The following HMGA2 variants were observed in gnomAD, a reference collection of about 807,000 sequenced individuals.
HMGA2 encodes high mobility group protein HMGI-C.
Under a neutral mutation model 19.1 loss-of-function variants are expected in HMGA2, and 8 were observed. The observed-to-expected ratio is 0.42, with a 90% CI of 0.25 to 0.76. The LOEUF is 0.76. Ranked by LOEUF, HMGA2 falls within the 30% of genes least tolerant of loss-of-function variation. The pLI, the probability that HMGA2 is intolerant of heterozygous loss-of-function variation, is 0.28. For missense variants in HMGA2, 109 were observed against 136.3 expected (o/e 0.80, Z 1.00); for synonymous variants, 60 against 48.8 (o/e 1.23, Z -0.96).
chr12:65,857,831 C>G (rs984962005), intron 3 of HMGA2: 1 of 152,370 alleles, frequency 6.6e-6, no homozygotes, highest in Non-Finnish European at 1.5e-5. Context: ...AGGCTAGTCC[C>G]CATTTCCTAT....
intron 2 of HMGA2, among the ~76,000 whole-genome samples, chr12:65,837,523 G>C (rs937318569): frequency 5.3e-5 from 8 of 152,140 alleles, no homozygotes; most frequent in Admixed American, 2.6e-4. Context: ...CTGTATTTGT[G>C]TGTTAATATA....
chr12:65,923,822 C>G (rs150322441), intron 3 of HMGA2, among the ~76,000 whole-genome samples: 1 of 152,064 alleles, frequency 6.6e-6, no homozygotes, highest in Non-Finnish European at 1.5e-5. Context: ...CCAGCCTGAC[C>G]GACATGGAGA....
intron 3 of HMGA2, among the ~76,000 whole-genome samples, chr12:65,927,219 G>A (rs556153855): frequency 2.4e-4 from 36 of 152,266 alleles, no homozygotes; most frequent in Non-Finnish European, 5.0e-4. Flanking sequence ...CCCATTAATT[G>A]CTACACTTAT....
intron 3 of HMGA2, 132 bp downstream of exon 3, chr12:65,838,701 G>A (rs889420021): frequency 1.4e-6 from 1 of 697,024 alleles, no homozygotes; most frequent in African/African-American, 1.8e-5. Context: ...AAAGGGTTAA[G>A]TCAAGAGACA....
intron 3 of HMGA2, among the ~76,000 whole-genome samples, chr12:65,885,761 C>T (rs1038665494): frequency 2.0e-5 from 3 of 152,084 alleles, no homozygotes; most frequent in African/African-American, 7.2e-5. Context: ...ATAATAACAA[C>T]AATGATAAGA....
chr12:65,938,133 A>G (rs905286145), intron 3 of HMGA2, among the ~76,000 whole-genome samples: 7 of 152,172 alleles, frequency 4.6e-5, no homozygotes, highest in African/African-American at 1.4e-4. Context: ...AAGTGCCACT[A>G]TGAATGGACA....
intron 3 of HMGA2, among the ~76,000 whole-genome samples, chr12:65,950,967 C>G (rs1326829590): frequency 6.6e-6 from 1 of 152,060 alleles, no homozygotes; most frequent in East Asian, 1.9e-4. Flanking sequence ...GTTGCTCTGT[C>G]ACCCAGGCTG....
chr12:65,952,379 G>A (rs1207906171), intron 4 of HMGA2: 2 of 1,534,804 alleles, frequency 1.3e-6, no homozygotes, highest in Non-Finnish European at 1.7e-6. Flanking sequence ...TGCCTGGGAA[G>A]GACCACCCGG....
intron 2 of HMGA2, 29 bp downstream of exon 2, chr12:65,828,116 A>T (rs1190364146): frequency 6.6e-7 from 1 of 1,509,066 alleles, no homozygotes; most frequent in African/African-American, 1.4e-5. Flanking sequence ...AGCTCTCCTA[A>T]CTTCATCAAT....
intron 2 of HMGA2, among the ~76,000 whole-genome samples, chr12:65,830,089 C>T (rs1870412253): frequency 6.6e-6 from 1 of 151,854 alleles, no homozygotes; most frequent in Non-Finnish European, 1.5e-5. Context: ...ATAAAAATCC[C>T]TCTTGTAATA....
intron 3 of HMGA2, among the ~76,000 whole-genome samples, chr12:65,848,359 A>C (rs994175071): frequency 3.3e-5 from 5 of 152,174 alleles, no homozygotes; most frequent in African/African-American, 1.2e-4. Context: ...AATTTTTAGT[A>C]CTAACATGAG....
rs1447825668 is a variant in HMGA2 at position 65,960,039 on chromosome 12, G to A, written c.283-3206G>A. ...CAAGTAGCTGGGACTTCAGGTGCCC[G>A]CCACCACGCCTGGCTAATTTTTTGT... On this transcript the variant is annotated intron_variant, in intron 4 of 4. Coordinates refer to ENST00000403681, the MANE Select transcript of HMGA2 (RefSeq NM_003483.6). 5.9e-5 allele frequency among the ~76,000 whole-genome samples: 9 copies of A among 152,176 alleles called. No homozygotes were observed. The South Asian group carries it at 6.2e-4, about 11-fold the overall frequency.
At position 65,825,180 on chromosome 12, in the gene HMGA2, C is replaced by A; in HGVS notation, c.-91C>A. On this transcript the variant is annotated 5_prime_UTR_variant, in exon 1 of 5. Coordinates refer to ENST00000403681, the MANE Select transcript of HMGA2 (RefSeq NM_003483.6). The surrounding 1 kb of genome is among the most constrained non-coding windows in gnomAD (Gnocchi z 4.4). ...CGCTCGCCCCGCCGGCGTCCCCAGCCCTATCACCTCATCTCCCGAAAGGTG... is the reference window on the plus strand; with the variant it reads ...CGCTCGCCCCGCCGGCGTCCCCAGCACTATCACCTCATCTCCCGAAAGGTG... 8.5e-7 allele frequency: 1 copy of A among 1,179,894 alleles called. No homozygotes were observed. The allele number at this position is 1,179,894 out of a possible 1,614,324, so 73.1% of individuals were successfully genotyped here.
intron 3 of HMGA2, among the ~76,000 whole-genome samples, chr12:65,929,357 AAAGG>A (rs1382681703): frequency 1.1e-4 from 16 of 152,126 alleles, no homozygotes; most frequent in African/African-American, 3.6e-4. Flanking sequence ...TTTGAAGATA[AAAGG>A]AAGTAATCCT....
At chr12:65,839,921 A>T (rs925616617) in intron 3 of HMGA2, among the ~76,000 whole-genome samples, 5 of 152,230 alleles carry the variant, frequency 3.3e-5, no homozygotes. Context: ...TTCTGGGAAT[A>T]TATAGAGTAA....
chr12:65,863,717 C>G (rs1350554632), intron 3 of HMGA2, among the ~76,000 whole-genome samples: 1 of 152,172 alleles, frequency 6.6e-6, no homozygotes, highest in African/African-American at 2.4e-5. Context: ...AATCCTGTGC[C>G]CAGCTCAGTC....
intron 3 of HMGA2, chr12:65,858,703 G>T (rs769954762): frequency 6.6e-6 from 1 of 152,066 alleles, no homozygotes; most frequent in Non-Finnish European, 1.5e-5. Context: ...ATTAAATATT[G>T]CAGTAATGGT....
intron 3 of HMGA2, among the ~76,000 whole-genome samples, chr12:65,897,426 A>G (rs566407998): frequency 1.4e-4 from 21 of 152,318 alleles, no homozygotes; most frequent in African/African-American, 4.8e-4. Context: ...TTTAAATGGA[A>G]ATCTCTGATG....
chr12:65,959,671 G>C (rs1430614571), intron 4 of HMGA2, among the ~76,000 whole-genome samples: 1 of 152,154 alleles, frequency 6.6e-6, no homozygotes, highest in Admixed American at 6.5e-5. Flanking sequence ...CTTGACCAAA[G>C]AGTGGCTGTT....
Sources: gnomAD v4.1 joint callset for allele counts (sites outside exome capture counted in the v4.1 genomes callset) on GRCh38, gnomAD v4.1.1 for gene constraint, Gnocchi (gnomAD v3.1) non-coding constraint, MANE v1.5 for transcripts, NCBI Gene and HGNC (gene_info 2026-07-23, HGNC 2026-07-21) for gene names.